Variants in AKAP19 observed in about 807,000 individuals in gnomAD.
AKAP19 encodes the protein A-kinase anchoring protein 19, also known as small A-kinase anchoring protein.
the AKAP19 span, among the ~76,000 whole-genome samples, chr2:189,880,758 A>G: frequency 6.6e-6 from 1 of 152,228 alleles, no homozygotes; most frequent in Non-Finnish European, 1.5e-5. Flanking sequence ...CACTCTTTAC[A>G]GTACCTAATT....
the AKAP19 span, among the ~76,000 whole-genome samples, chr2:189,961,455 A>T: frequency 6.6e-6 from 1 of 152,144 alleles, no homozygotes; most frequent in African/African-American, 2.4e-5. Context: ...AACAGTTTTT[A>T]TTTTTTTAAT....
the AKAP19 span, among the ~76,000 whole-genome samples, chr2:190,133,204 C>T: frequency 7.6e-6 from 1 of 131,116 alleles, no homozygotes; most frequent in Non-Finnish European, 1.5e-5. Context: ...CGCCACTGCA[C>T]TCCAGCCTGG....
At chr2:190,199,846 A>C in the AKAP19 span, 2 of 1,609,784 alleles carry the variant, frequency 1.2e-6, no homozygotes, top group Non-Finnish European at 1.7e-6. Context: ...TCCTCCACAA[A>C]CAGCTCTTCA....
the AKAP19 span, among the ~76,000 whole-genome samples, chr2:189,996,340 C>T: frequency 7.2e-5 from 11 of 152,224 alleles, no homozygotes; most frequent in Admixed American, 2.0e-4. Flanking sequence ...CAAAAACCTT[C>T]CCTTTAAGCT....
At chr2:189,970,229 T>A in the AKAP19 span, among the ~76,000 whole-genome samples, 1 of 152,188 alleles carries the variant, frequency 6.6e-6, no homozygotes, top group South Asian at 2.1e-4. Context: ...AGAAATATGC[T>A]ATATGTCTAG....
chr2:189,888,113 C>T, the AKAP19 span, among the ~76,000 whole-genome samples: 16 of 152,160 alleles, frequency 1.1e-4, no homozygotes, highest in East Asian at 2.9e-3. Flanking sequence ...GTCTTTAATC[C>T]ATCTTGAGTT....
At chr2:190,145,310 CT>C in the AKAP19 span, among the ~76,000 whole-genome samples, 23 of 152,056 alleles carry the variant, frequency 1.5e-4, no homozygotes, top group Non-Finnish European at 2.2e-4. Context: ...CTTCCTTTTT[CT>C]TTTTTGCAGA....
At chr2:189,949,636 T>C in the AKAP19 span, among the ~76,000 whole-genome samples, 4 of 146,784 alleles carry the variant, frequency 2.7e-5, no homozygotes, top group Admixed American at 1.3e-4. Context: ...TCTTTCTTTT[T>C]TTTTTTTTTT....
At chr2:189,923,101 A>G in the AKAP19 span, among the ~76,000 whole-genome samples, 7 of 152,222 alleles carry the variant, frequency 4.6e-5, no homozygotes, top group East Asian at 1.9e-4. Context: ...CAGTGAGCCA[A>G]GATCGCACCA....
the AKAP19 span, among the ~76,000 whole-genome samples, chr2:189,970,599 G>A: frequency 2.0e-5 from 3 of 152,064 alleles, no homozygotes; most frequent in East Asian, 5.8e-4. Flanking sequence ...ATAGTCCATG[G>A]TAATTTCATA....
the AKAP19 span, among the ~76,000 whole-genome samples, chr2:190,048,642 G>A: frequency 6.6e-6 from 1 of 152,152 alleles, no homozygotes; most frequent in African/African-American, 2.4e-5. Flanking sequence ...GCTGAGTGGA[G>A]TACTCCCCAA....
the AKAP19 span, among the ~76,000 whole-genome samples, chr2:189,912,772 A>G: frequency 2.6e-5 from 4 of 151,904 alleles, no homozygotes; most frequent in Non-Finnish European, 5.9e-5. Context: ...ATTAAGCTTT[A>G]TTAAATTTTG....
At chr2:189,980,109 A>G in the AKAP19 span, among the ~76,000 whole-genome samples, 1 of 152,170 alleles carries the variant, frequency 6.6e-6, no homozygotes, top group South Asian at 2.1e-4. Flanking sequence ...AGACACCTGC[A>G]CTTGTCTGTT....
At chr2:189,923,118 T>A in the AKAP19 span, among the ~76,000 whole-genome samples, 13 of 152,086 alleles carry the variant, frequency 8.5e-5, no homozygotes, top group Non-Finnish European at 1.9e-4. Context: ...ACCACTGCAC[T>A]CCAGCCTGGG....
the AKAP19 span, among the ~76,000 whole-genome samples, chr2:190,081,160 G>C: frequency 6.6e-6 from 1 of 152,122 alleles, no homozygotes; most frequent in Non-Finnish European, 1.5e-5. Flanking sequence ...ATGTTCATCA[G>C]TGAAATCAAC....
chr2:190,038,043 A>T, the AKAP19 span, among the ~76,000 whole-genome samples: 6 of 152,238 alleles, frequency 3.9e-5, no homozygotes, highest in African/African-American at 1.4e-4. Flanking sequence ...TGTGGCCCTC[A>T]CAGGTTTCAT....
At chr2:190,151,705 G>T in the AKAP19 span, among the ~76,000 whole-genome samples, 1 of 152,138 alleles carries the variant, frequency 6.6e-6, no homozygotes, top group African/African-American at 2.4e-5. Context: ...TTTATAGTTA[G>T]AAAGGTCTTG....
chr2:190,171,766 T>C, the AKAP19 span, among the ~76,000 whole-genome samples: 1 of 152,216 alleles, frequency 6.6e-6, no homozygotes, highest in Non-Finnish European at 1.5e-5. Context: ...ACAAATAGAC[T>C]AAGTTTATGG....
At chr2:190,048,065 C>A in the AKAP19 span, among the ~76,000 whole-genome samples, 1 of 152,136 alleles carries the variant, frequency 6.6e-6, no homozygotes, top group Non-Finnish European at 1.5e-5. Flanking sequence ...TCTGACCAGA[C>A]AGAAACATCA....
Sources: gnomAD v4.1 joint callset for allele counts (sites outside exome capture counted in the v4.1 genomes callset) on GRCh38, gnomAD v4.1.1 for gene constraint, MANE v1.5 for transcripts, NCBI Gene and HGNC (gene_info 2026-07-23, HGNC 2026-07-21) for gene names.